RBFOX1: variants seen among roughly 807,000 people sequenced by gnomAD.
The protein encoded by RBFOX1 is RNA binding fox-1 homolog 1.
Under a neutral mutation model 57.7 loss-of-function variants are expected in RBFOX1, and 8 were observed. The observed-to-expected ratio is 0.14, with a 90% CI of 0.08 to 0.25. The LOEUF is 0.25. Among genes scored for constraint, RBFOX1 ranks in the 10% least tolerant of loss-of-function variants. The probability of loss-of-function intolerance (pLI) is 1.00; values close to 1 mark genes in which losing one functional copy is unlikely to be tolerated. For missense variants in RBFOX1, 611 were observed against 548.5 expected, an observed-to-expected ratio of 1.11 and a Z score of -1.14; for synonymous variants, 326 against 222.4, an observed-to-expected ratio of 1.47 and a Z score of -4.15.
chr16:6,919,516 A>G (rs544226331), intron 3 of RBFOX1, among the ~76,000 whole-genome samples: 16 of 152,192 alleles, frequency 1.1e-4, no homozygotes, highest in African/African-American at 2.6e-4. Flanking sequence ...GATTTGAACC[A>G]TGAAATCCCA....
At chr16:6,381,630 T>C (rs2091825290) in intron 2 of RBFOX1, among the ~76,000 whole-genome samples, 2 of 152,226 alleles carry the variant, frequency 1.3e-5, no homozygotes, top group Admixed American at 1.3e-4. Flanking sequence ...CTTGGGTCAT[T>C]GAACAGGAGC....
chr16:6,608,745 C>G (rs1375653821), intron 2 of RBFOX1, among the ~76,000 whole-genome samples: 3 of 152,224 alleles, frequency 2.0e-5, no homozygotes, highest in Non-Finnish European at 2.9e-5. Flanking sequence ...GCATTCTAAC[C>G]TGTGCATCAG....
At chr16:5,796,577 GAT>G (rs2054886946) in intron 3 of RBFOX1, among the ~76,000 whole-genome samples, 1 of 152,086 alleles carries the variant, frequency 6.6e-6, no homozygotes, top group South Asian at 2.1e-4. Context: ...TGATGATGAT[GAT>G]GATGGTGACA....
intron 3 of RBFOX1, among the ~76,000 whole-genome samples, chr16:5,738,612 C>G (rs182006232): frequency 7.8e-6 from 1 of 128,508 alleles, no homozygotes; most frequent in African/African-American, 2.9e-5. Context: ...GCAGCCTGGG[C>G]GACAGAGCAA....
intron 1 of RBFOX1, among the ~76,000 whole-genome samples, chr16:6,262,893 C>T (rs2097709694): frequency 6.6e-6 from 1 of 152,116 alleles, no homozygotes; most frequent in Non-Finnish European, 1.5e-5. Flanking sequence ...AAGGTAAGTA[C>T]CATCAAGGAG....
intron 3 of RBFOX1, among the ~76,000 whole-genome samples, chr16:7,026,096 C>T (rs2040838272): frequency 6.6e-6 from 1 of 152,156 alleles, no homozygotes; most frequent in South Asian, 2.1e-4. Context: ...GCTATGTGGG[C>T]AGGACTATGG....
chr16:5,650,255 C>T (rs1228881320), intron 3 of RBFOX1, among the ~76,000 whole-genome samples: 1 of 152,150 alleles, frequency 6.6e-6, no homozygotes, highest in Non-Finnish European at 1.5e-5. Context: ...CTCTGATGGC[C>T]TCGGGAGATG....
At chr16:6,847,770 T>A (rs977241886) in intron 3 of RBFOX1, among the ~76,000 whole-genome samples, 1 of 152,076 alleles carries the variant, frequency 6.6e-6, no homozygotes, top group Non-Finnish European at 1.5e-5. Context: ...CAGTCACGTG[T>A]GGCTTAGAAA....
intron 3 of RBFOX1, among the ~76,000 whole-genome samples, chr16:5,641,762 C>T (rs1567335908): frequency 1.3e-5 from 2 of 152,130 alleles, no homozygotes; most frequent in African/African-American, 2.4e-5. Context: ...GGGGTCAGTT[C>T]TTGGAGAGCC....
chr16:6,263,027 G>C (rs12445131), intron 1 of RBFOX1, among the ~76,000 whole-genome samples: 25,946 of 152,122 alleles, frequency 0.17, 3,554 homozygotes, highest in African/African-American at 0.38. Context: ...TGAGATTAAA[G>C]TCACCCACTC....
intron 3 of RBFOX1, among the ~76,000 whole-genome samples, chr16:6,969,760 G>C (rs1237290048): frequency 6.6e-6 from 1 of 151,744 alleles, no homozygotes; most frequent in African/African-American, 2.4e-5. Context: ...ATAAAAATAA[G>C]GTAACGTATC....
chr16:7,344,101 CTTTTTTTTTTT>C (rs61008217), intron 4 of RBFOX1, among the ~76,000 whole-genome samples: 41 of 90,614 alleles, frequency 4.5e-4, no homozygotes, highest in African/African-American at 1.7e-3. Flanking sequence ...CTCAGCTTTA[CTTTTTTTTTTT>C]TTTTTTTTTT....
At chr16:5,821,667 T>C (rs1167543282) in intron 3 of RBFOX1, among the ~76,000 whole-genome samples, 1 of 152,216 alleles carries the variant, frequency 6.6e-6, no homozygotes, top group African/African-American at 2.4e-5. Flanking sequence ...TGTAACAAAA[T>C]TCCTGAGACT....
chr16:6,679,331 G>T (rs560971235), intron 3 of RBFOX1, among the ~76,000 whole-genome samples: 1 of 151,974 alleles, frequency 6.6e-6, no homozygotes, highest in Non-Finnish European at 1.5e-5. Context: ...TAACAATGAC[G>T]AGCTTGATAT....
chr16:5,621,968 G>A (rs1281583878), intron 3 of RBFOX1, among the ~76,000 whole-genome samples: 1 of 152,192 alleles, frequency 6.6e-6, no homozygotes, highest in African/African-American at 2.4e-5. Flanking sequence ...GAAGAATGAG[G>A]TTCTTGTAAC....
intron 3 of RBFOX1, among the ~76,000 whole-genome samples, chr16:6,706,767 C>A (rs13332823): frequency 6.7e-6 from 1 of 148,760 alleles, no homozygotes; most frequent in Admixed American, 6.8e-5. Flanking sequence ...ACAAGACATA[C>A]GGCCAGAGCT....
chr16:5,490,078 C>A (rs114388375), intron 2 of RBFOX1, among the ~76,000 whole-genome samples: 1 of 152,198 alleles, frequency 6.6e-6, no homozygotes, highest in Non-Finnish European at 1.5e-5. Context: ...CTGAACCTGT[C>A]CTCAGCTTCT....
At chr16:7,513,149 G>A (rs1250510262) in intron 4 of RBFOX1, among the ~76,000 whole-genome samples, 1 of 152,066 alleles carries the variant, frequency 6.6e-6, no homozygotes, top group African/African-American at 2.4e-5. Flanking sequence ...TGTAATCCTA[G>A]CTACTCAGGA....
At chr16:5,804,367 T>C (rs2055159988) in intron 3 of RBFOX1, among the ~76,000 whole-genome samples, 2 of 152,210 alleles carry the variant, frequency 1.3e-5, no homozygotes, top group African/African-American at 4.8e-5. Context: ...ACTTAGTTTA[T>C]TGGTGGTAGT....
Sources: gnomAD v4.1 joint callset for allele counts (sites outside exome capture counted in the v4.1 genomes callset) on GRCh38, gnomAD v4.1.1 for gene constraint, MANE v1.5 for transcripts, NCBI Gene and HGNC (gene_info 2026-07-23, HGNC 2026-07-21) for gene names.